SCHIP1: variants seen among roughly 807,000 people sequenced by gnomAD.
SCHIP1 encodes the protein schwannomin-interacting protein 1.
A neutral mutation model predicts 29.7 loss-of-function variants in SCHIP1; 8 were observed. That is an observed-to-expected ratio of 0.27 (90% CI 0.16 to 0.49). SCHIP1 has a LOEUF of 0.49. SCHIP1 is among the 20% of genes least tolerant of loss of function. The pLI, the probability that SCHIP1 is intolerant of heterozygous loss-of-function variation, is 0.99. For synonymous variants in SCHIP1, 76 were observed against 94.9 expected, an observed-to-expected ratio of 0.80 and a Z score of 1.16; for missense variants, 193 against 294.6, an observed-to-expected ratio of 0.66 and a Z score of 2.52.
At chr3:159,303,730 G>T in the SCHIP1 span, among the ~76,000 whole-genome samples, 10 of 152,096 alleles carry the variant, frequency 6.6e-5, no homozygotes, top group Non-Finnish European at 1.3e-4. Context: ...GGAGGGAGTT[G>T]AAATTGCACA....
At chr3:159,419,789 G>A in the SCHIP1 span, among the ~76,000 whole-genome samples, 5 of 152,084 alleles carry the variant, frequency 3.3e-5, no homozygotes, top group African/African-American at 1.2e-4. Flanking sequence ...AGCCTGGGCA[G>A]CAAACGCTAA....
the SCHIP1 span, among the ~76,000 whole-genome samples, chr3:159,638,188 C>T: frequency 6.6e-6 from 1 of 152,048 alleles, no homozygotes; most frequent in East Asian, 1.9e-4. Flanking sequence ...GATACACCTA[C>T]ATGATTTCCG....
the SCHIP1 span, chr3:159,764,708 G>A: frequency 6.3e-7 from 1 of 1,576,670 alleles, no homozygotes; most frequent in Non-Finnish European, 8.6e-7. The surrounding 1 kb of genome is among the most constrained non-coding windows in gnomAD (Gnocchi z 6.1). Flanking sequence ...CGCGACCAGC[G>A]AGGGTACCGG....
the SCHIP1 span, chr3:159,808,551 A>G: frequency 1.3e-5 from 2 of 152,260 alleles, no homozygotes; most frequent in African/African-American, 4.8e-5. Context: ...TTGATCTCAG[A>G]CAAAAGGTCA....
the SCHIP1 span, among the ~76,000 whole-genome samples, chr3:159,681,157 A>G: frequency 6.6e-6 from 1 of 152,046 alleles, no homozygotes; most frequent in Non-Finnish European, 1.5e-5. Flanking sequence ...CAAGTGAGGG[A>G]TACACAGTGT....
the SCHIP1 span, among the ~76,000 whole-genome samples, chr3:159,742,423 T>C: frequency 6.6e-6 from 1 of 152,336 alleles, no homozygotes; most frequent in East Asian, 1.9e-4. Flanking sequence ...TTCATCATTG[T>C]GATGTGCCAT....
chr3:159,522,516 A>G, the SCHIP1 span, among the ~76,000 whole-genome samples: 2 of 152,220 alleles, frequency 1.3e-5, no homozygotes, highest in Non-Finnish European at 2.9e-5. Flanking sequence ...ATATGCATGT[A>G]CAGTAGCAAT....
intron 1 of SCHIP1, among the ~76,000 whole-genome samples, chr3:159,855,770 C>A (rs1713277035): frequency 6.6e-6 from 1 of 151,972 alleles, no homozygotes; most frequent in Non-Finnish European, 1.5e-5. Flanking sequence ...ATTCCCTGAA[C>A]CAATTGCACT....
At chr3:159,790,222 C>G in the SCHIP1 span, among the ~76,000 whole-genome samples, 7 of 152,188 alleles carry the variant, frequency 4.6e-5, no homozygotes, top group Non-Finnish European at 8.8e-5. Flanking sequence ...ATTGGAAATG[C>G]TTTTAGTGAA....
At chr3:159,363,138 A>G in the SCHIP1 span, among the ~76,000 whole-genome samples, 1 of 152,230 alleles carries the variant, frequency 6.6e-6, no homozygotes, top group Admixed American at 6.5e-5. Context: ...GGAGATGACC[A>G]AGGTCTGCTT....
At chr3:159,644,935 C>T in the SCHIP1 span, among the ~76,000 whole-genome samples, 1 of 152,026 alleles carries the variant, frequency 6.6e-6, no homozygotes. Flanking sequence ...GGAACAAAGG[C>T]TGGAATGAGA....
the SCHIP1 span, among the ~76,000 whole-genome samples, chr3:159,491,915 G>T: frequency 1.3e-3 from 202 of 152,290 alleles, no homozygotes; most frequent in South Asian, 0.024. Context: ...CCAGAGGAAC[G>T]ATCAGGCAGC....
chr3:159,354,642 C>T, the SCHIP1 span, among the ~76,000 whole-genome samples: 2 of 152,004 alleles, frequency 1.3e-5, no homozygotes, highest in Non-Finnish European at 2.9e-5. Context: ...AAAATTACAT[C>T]GAAGAAGGAC....
At chr3:159,647,682 A>G in the SCHIP1 span, among the ~76,000 whole-genome samples, 15 of 152,226 alleles carry the variant, frequency 9.9e-5, no homozygotes, top group Admixed American at 7.2e-4. Context: ...ACTTTTACCC[A>G]CTGGACTGGT....
At chr3:159,737,253 C>T in the SCHIP1 span, among the ~76,000 whole-genome samples, 16 of 152,094 alleles carry the variant, frequency 1.1e-4, no homozygotes, top group Non-Finnish European at 4.4e-5. Context: ...CCTGCTTGCC[C>T]CTCTGATGCA....
the SCHIP1 span, among the ~76,000 whole-genome samples, chr3:159,650,074 T>G: frequency 9.8e-5 from 15 of 152,328 alleles, 1 homozygote; most frequent in Middle Eastern, 3.4e-3. Flanking sequence ...TTTTTATTTT[T>G]TAATTCATAC....
At chr3:159,513,254 G>A in the SCHIP1 span, among the ~76,000 whole-genome samples, 1 of 152,138 alleles carries the variant, frequency 6.6e-6, no homozygotes, top group Non-Finnish European at 1.5e-5. Flanking sequence ...TACAAAGACA[G>A]CTTCTACTAT....
chr3:159,701,264 C>T, the SCHIP1 span, among the ~76,000 whole-genome samples: 5 of 152,140 alleles, frequency 3.3e-5, no homozygotes, highest in Admixed American at 3.3e-4. Context: ...TATGTGCATC[C>T]TTTTTTATGG....
the SCHIP1 span, among the ~76,000 whole-genome samples, chr3:159,648,019 T>C: frequency 2.0e-5 from 3 of 152,214 alleles, 1 homozygote; most frequent in Middle Eastern, 6.8e-3. Context: ...ACAAATGAGC[T>C]GAATCTGCCC....
Sources: gnomAD v4.1 joint callset for allele counts (sites outside exome capture counted in the v4.1 genomes callset) on GRCh38, gnomAD v4.1.1 for gene constraint, Gnocchi (gnomAD v3.1) non-coding constraint, MANE v1.5 for transcripts, NCBI Gene and HGNC (gene_info 2026-07-23, HGNC 2026-07-21) for gene names.